Variants in ORC4 observed in about 807,000 individuals in gnomAD.
The protein encoded by ORC4 is origin recognition complex subunit 4.
ORC4 carries 55 observed loss-of-function variants against 63.9 expected under a neutral mutation model. The observed-to-expected ratio is 0.86, with a 90% CI of 0.69 to 1.08. ORC4 has a LOEUF of 1.08. Ranked by LOEUF, ORC4 falls within the 50% of genes least tolerant of loss-of-function variation. ORC4 has a pLI of 0.00. For synonymous variants in ORC4, 150 were observed against 168.5 expected (o/e 0.89, Z 0.85); for missense variants, 511 against 504.4 (o/e 1.01, Z -0.13).
At chr2:147,981,012 T>C (rs1047677653) in intron 1 of ORC4, among the ~76,000 whole-genome samples, 3 of 152,182 alleles carry the variant, frequency 2.0e-5, no homozygotes, top group Middle Eastern at 3.2e-3. Context: ...GTGGTATATA[T>C]ACACAATAGA....
At chr2:148,015,378 G>A (rs10200176) in intron 1 of ORC4, among the ~76,000 whole-genome samples, 2,772 of 144,026 alleles carry the variant, frequency 0.019, 83 homozygotes, top group African/African-American at 0.068. Flanking sequence ...GCAGTGGCGC[G>A]ATCTCGGCTC....
intron 1 of ORC4, among the ~76,000 whole-genome samples, chr2:148,013,499 T>C (rs571248091): frequency 1.3e-5 from 2 of 152,282 alleles, no homozygotes; most frequent in Non-Finnish European, 2.9e-5. Flanking sequence ...GAATAAAATA[T>C]AGTGTTCAGT....
intron 1 of ORC4, among the ~76,000 whole-genome samples, chr2:148,008,886 G>A (rs910555253): frequency 6.6e-6 from 1 of 150,438 alleles, no homozygotes; most frequent in Admixed American, 6.6e-5. Flanking sequence ...ATATTAAAAA[G>A]AAAATTTTGT....
chr2:148,006,015 A>C (rs895291510), intron 1 of ORC4, among the ~76,000 whole-genome samples: 7 of 152,122 alleles, frequency 4.6e-5, no homozygotes, highest in African/African-American at 1.4e-4. Context: ...AACAAACAAA[A>C]AATCCAAAAT....
upstream of ORC4, chr2:148,021,463 T>TTGCTGCTGCTGCTGCTGTTGC (rs1558888979): frequency 4.9e-5 from 28 of 573,776 alleles, 4 homozygotes; most frequent in East Asian, 2.2e-4. Context: ...GCTGCTGCTG[T>TTGCTGCTGCTGCTGCTGTTGC]TGCTGCTGCT....
At chr2:148,015,766 T>C (rs1693243941) in intron 1 of ORC4, among the ~76,000 whole-genome samples, 1 of 152,164 alleles carries the variant, frequency 6.6e-6, no homozygotes, top group South Asian at 2.1e-4. Flanking sequence ...GTTGAGTGAT[T>C]TTCTTATTTA....
At chr2:147,941,640 C>A (rs1021168910) in intron 10 of ORC4, among the ~76,000 whole-genome samples, 2 of 151,674 alleles carry the variant, frequency 1.3e-5, no homozygotes, top group African/African-American at 4.8e-5. Flanking sequence ...AGTAGAATCC[C>A]ATATGACAAA....
At chr2:147,942,866 T>A (rs1034856792) in intron 10 of ORC4, among the ~76,000 whole-genome samples, 2 of 152,204 alleles carry the variant, frequency 1.3e-5, no homozygotes, top group Non-Finnish European at 1.5e-5. Context: ...AAAAAACCTC[T>A]TAGAATAAGT....
intron 1 of ORC4, among the ~76,000 whole-genome samples, chr2:148,016,180 T>C (rs545411514): frequency 1.3e-5 from 2 of 152,254 alleles, no homozygotes; most frequent in South Asian, 4.1e-4. Context: ...CAACGAACCA[T>C]TTCTCAATCG....
Position 147,947,901 on chromosome 2 carries a change from T to G in ORC4, c.762+150A>C, listed in dbSNP as rs934045817. The G allele has an allele frequency of 1.5e-5, 9 of 620,072 alleles. No homozygotes were observed. In the Admixed American group the frequency reaches 1.5e-4, roughly 10 times the overall value. 38.4% of individuals were successfully genotyped at this position (620,072 alleles called of 1,614,324 possible). A position where few individuals can be genotyped will look rare whatever the true frequency, so the allele number is the denominator to read the frequency against. On this transcript the variant is annotated intron_variant, in intron 9 of 13. Transcript: ENST00000392857. ...CATTTCAACTGTCTAAGAAGAAAAT[T>G]TTTAAAAAGTATATAATTTGTATTA...
At chr2:147,980,260 T>A (rs12990262) in intron 1 of ORC4, among the ~76,000 whole-genome samples, 50,123 of 151,862 alleles carry the variant, frequency 0.33, 8,540 homozygotes, top group East Asian at 0.52. Flanking sequence ...ATATAAATTT[T>A]AAAAACAATA....
In ORC4 at chr2:147,938,263, A is replaced by C. The variant is rs777362143; in HGVS notation, c.1054+35T>G. On this transcript the variant is annotated intron_variant, in intron 12 of 13. Transcript: ENST00000392857. ...TATACCTTCAAATAAGCAGTGGGGA[A>C]GAGTCAGAAAAAAGCTACTTAAGTC... 3.1e-6 allele frequency: 5 copies of C among 1,588,154 alleles called. No homozygotes were observed. In the Admixed American group the frequency reaches 8.3e-5, roughly 26 times the overall value.
intron 8 of ORC4, 74 bp downstream of exon 8, chr2:147,952,299 A>G: frequency 9.0e-7 from 1 of 1,115,078 alleles, no homozygotes; most frequent in Non-Finnish European, 1.3e-6. Flanking sequence ...AGTGAAAAAA[A>G]CTAGCAGTGT....
At chr2:148,007,917 C>A (rs1045205838) in intron 1 of ORC4, among the ~76,000 whole-genome samples, 4 of 152,112 alleles carry the variant, frequency 2.6e-5, no homozygotes, top group Non-Finnish European at 4.4e-5. Context: ...AGTAGGATGA[C>A]AAACTTTAGC....
chr2:147,949,357 T>C (rs1411419461), intron 8 of ORC4, among the ~76,000 whole-genome samples: 2 of 152,084 alleles, frequency 1.3e-5, no homozygotes, highest in Non-Finnish European at 2.9e-5. Flanking sequence ...AAACTATACG[T>C]TGTATGATTC....
rs1048180662 is a variant in ORC4 at position 147,931,750 on chromosome 2, T to A, written c.*3760A>T. On this transcript the variant is annotated 3_prime_UTR_variant, in exon 14 of 14. Coordinates refer to ENST00000392857, the MANE Select transcript of ORC4 (RefSeq NM_181741.4). ...ATGCAGAAAAAGCCTTTGACAAAATTCAACAACCCTTCATGCTAAAAACTC... is the reference window on the plus strand; with the variant it reads ...ATGCAGAAAAAGCCTTTGACAAAATACAACAACCCTTCATGCTAAAAACTC... 2.6e-5 allele frequency: 4 copies of A among 152,044 alleles called. No homozygotes were observed. The highest frequency in any genetic ancestry group is 5.9e-5 in the Non-Finnish European group (4 of 68,030). The allele number at this position is 152,044 out of a possible 1,614,324, so 9.4% of individuals were successfully genotyped here.
chr2:148,003,834 T>C (rs1692459449), intron 1 of ORC4, among the ~76,000 whole-genome samples: 1 of 152,324 alleles, frequency 6.6e-6, no homozygotes, highest in Admixed American at 6.5e-5. Context: ...TGTTTGCAGA[T>C]GACATGATTG....
At chr2:147,994,694 T>C (rs1691831135) in intron 1 of ORC4, among the ~76,000 whole-genome samples, 1 of 152,134 alleles carries the variant, frequency 6.6e-6, no homozygotes, top group African/African-American at 2.4e-5. Context: ...AATCTAAAAA[T>C]GGATCACAGA....
intron 4 of ORC4, among the ~76,000 whole-genome samples, chr2:147,959,455 A>C (rs1003626981): frequency 6.6e-6 from 1 of 152,028 alleles, no homozygotes; most frequent in Non-Finnish European, 1.5e-5. Flanking sequence ...ATATTAAAAT[A>C]TAGGTACTAT....
Sources: allele counts gnomAD v4.1 joint callset (sites outside exome capture counted in the v4.1 genomes callset), GRCh38; gene constraint gnomAD v4.1.1; transcripts MANE v1.5; gene names NCBI Gene and HGNC (gene_info 2026-07-23, HGNC 2026-07-21).